Variants in EPB41L2 observed in about 807,000 individuals in gnomAD.
The protein encoded by EPB41L2 is erythrocyte membrane protein band 4.1 like 2.
EPB41L2 carries 43 observed loss-of-function variants against 113.0 expected under a neutral mutation model. That is an observed-to-expected ratio of 0.38 (90% confidence interval 0.30 to 0.49). The LOEUF is 0.49. EPB41L2 is among the 20% of genes least tolerant of loss of function. EPB41L2 has a pLI of 0.95. For missense variants in EPB41L2, 1,147 were observed against 1,223.4 expected, an observed-to-expected ratio of 0.94 and a Z score of 0.93; for synonymous variants, 442 against 436.7, an observed-to-expected ratio of 1.01 and a Z score of -0.15.
At chr6:130,959,200 G>A (rs2128629681) in intron 1 of EPB41L2, among the ~76,000 whole-genome samples, 1 of 152,262 alleles carries the variant, frequency 6.6e-6, no homozygotes, top group Admixed American at 6.5e-5. Context: ...TCATGGAAAT[G>A]GGGAACACCT....
rs751024313 is a variant in EPB41L2 at position 130,955,119 on chromosome 6, T to G, written c.691A>C (p.Ser231Arg). ...KVTLLDGTEY[S>R]CDLEKHAKGQ... ...CCCTATCTCACCTCCAGGTCACAGC[T>G]GTATTCGGTGCCATCTAAGAGGGTC... The change falls in exon 3 of 20, where the codon AGC becomes CGC. Residue 231 changes from serine to arginine, a missense_variant. Transcript: ENST00000337057. 1.9e-6 allele frequency: 3 copies of G among 1,614,172 alleles called. No homozygotes were observed. The highest frequency in any genetic ancestry group is 1.7e-6 in the Non-Finnish European group (2 of 1,180,022).
chr6:130,934,685 C>T (rs1387659649), intron 3 of EPB41L2, among the ~76,000 whole-genome samples: 1 of 151,984 alleles, frequency 6.6e-6, no homozygotes, highest in Admixed American at 6.6e-5. Context: ...CATCATCTTA[C>T]CCAGGCTGGT....
intron 12 of EPB41L2, among the ~76,000 whole-genome samples, chr6:130,884,872 C>T (rs370541590): frequency 1.3e-5 from 2 of 152,104 alleles, no homozygotes; most frequent in African/African-American, 4.8e-5. Context: ...GTCAAAAAGG[C>T]CAGTAAATTA....
chr6:130,969,039 T>C (rs1005831556), intron 1 of EPB41L2, among the ~76,000 whole-genome samples: 5 of 152,202 alleles, frequency 3.3e-5, no homozygotes, highest in African/African-American at 9.7e-5. Flanking sequence ...CTTGTGATCC[T>C]GCTATGATAC....
At chr6:131,039,504 T>C (rs1794016236) in intron 1 of EPB41L2, among the ~76,000 whole-genome samples, 2 of 152,252 alleles carry the variant, frequency 1.3e-5, no homozygotes, top group Admixed American at 1.3e-4. Context: ...AGAGATCATC[T>C]AACTTTACCC....
intron 5 of EPB41L2, among the ~76,000 whole-genome samples, 196 bp from the exon 6 acceptor site, chr6:130,904,736 A>G (rs369679496): frequency 2.0e-5 from 3 of 152,076 alleles, no homozygotes; most frequent in Admixed American, 6.5e-5. Context: ...AATCAATTAC[A>G]TAAATAAGCC....
intron 4 of EPB41L2, among the ~76,000 whole-genome samples, chr6:130,916,473 T>C (rs1021108387): frequency 1.3e-5 from 2 of 152,194 alleles, no homozygotes; most frequent in African/African-American, 4.8e-5. Context: ...GTATTTATAT[T>C]CATAGAATAC....
intron 18 of EPB41L2, among the ~76,000 whole-genome samples, chr6:130,860,023 C>T (rs188498111): frequency 5.0e-4 from 76 of 152,150 alleles, no homozygotes; most frequent in Non-Finnish European, 8.5e-4. Flanking sequence ...AGCTTTTCAA[C>T]GTGTTGACTG....
intron 3 of EPB41L2, among the ~76,000 whole-genome samples, chr6:130,946,411 G>C (rs1489385358): frequency 6.6e-6 from 1 of 152,024 alleles, no homozygotes; most frequent in African/African-American, 2.4e-5. Flanking sequence ...AGAAAATTCT[G>C]TGTGGCATAA....
chr6:130,976,443 T>C (rs1402123428), intron 1 of EPB41L2, among the ~76,000 whole-genome samples: 1 of 152,158 alleles, frequency 6.6e-6, no homozygotes, highest in Non-Finnish European at 1.5e-5. Flanking sequence ...ATATGTTCAA[T>C]TACATTAAAA....
At chr6:130,886,296 C>A in intron 11 of EPB41L2, among the ~76,000 whole-genome samples, 1 of 152,118 alleles carries the variant, frequency 6.6e-6, no homozygotes, top group African/African-American at 2.4e-5. Flanking sequence ...CAATCCACAG[C>A]CTTCACCTGC....
At chr6:131,031,466 C>G (rs1027870944) in intron 1 of EPB41L2, among the ~76,000 whole-genome samples, 4 of 152,060 alleles carry the variant, frequency 2.6e-5, no homozygotes, top group African/African-American at 9.7e-5. Context: ...AAAGAATACA[C>G]AGTAACCTAT....
intron 1 of EPB41L2, among the ~76,000 whole-genome samples, chr6:131,026,840 GC>G (rs893928315): frequency 3.9e-5 from 6 of 152,030 alleles, no homozygotes; most frequent in African/African-American, 9.7e-5. Flanking sequence ...GTGCAAGATG[GC>G]CCCTCTGCAT....
At chr6:130,999,819 C>CAA (rs2128710035) in intron 1 of EPB41L2, among the ~76,000 whole-genome samples, 1 of 152,238 alleles carries the variant, frequency 6.6e-6, no homozygotes, top group South Asian at 2.1e-4. Context: ...ATTAGAGAAT[C>CAA]AAAGAAATTT....
intron 3 of EPB41L2, among the ~76,000 whole-genome samples, chr6:130,934,512 G>C (rs1454540654): frequency 1.3e-5 from 2 of 152,064 alleles, no homozygotes; most frequent in African/African-American, 4.8e-5. Flanking sequence ...TTGCTCTGTT[G>C]CTGAGCCTGG....
rs1415892992 is a variant in EPB41L2 at position 130,869,721 on chromosome 6, T to G, written c.2449A>C (p.Asn817His). The G allele has an allele frequency of 6.2e-7, 1 of 1,614,148 alleles. No individual in the cohort carries two copies. The highest frequency in any genetic ancestry group is 1.7e-5 in the Admixed American group (1 of 60,026). Residue 817 changes from asparagine (N) to histidine (H), a missense_variant, in exon 15 of 20, where the codon AAT (asparagine) becomes CAT (histidine). Physicochemically the swap from Asn to His is moderately conservative, Grantham distance 68. Transcript: ENST00000337057. Reference protein sequence around the residue: ...VITVETVIQENVGAQKIPGEK... With the variant: ...VITVETVIQEHVGAQKIPGEK... ...CCGGGTATCTTTTGGGCACCTACAT[T>G]TTCCTGGATCACTGTTTCTACTGTG...
chr6:130,839,611 TA>T lies in EPB41L2; in HGVS notation c.*992del, dbSNP rs1774934969. ...AGCATCCTCAAACCTGTGTGAATCA[TA>T]AAACTATCTGAAAGAGATAGGCCTG... On this transcript the variant is annotated 3_prime_UTR_variant, in exon 20 of 20. Transcript: ENST00000337057. 6.6e-6 allele frequency: 1 copy of T among 151,822 alleles called. No individual in the cohort carries two copies. Among genetic ancestry groups the T allele is most frequent in the Non-Finnish European group, 1.5e-5 (1 of 68,042 alleles). The allele number at this position is 151,822 out of a possible 1,614,324, so 9.4% of individuals were successfully genotyped here. A position where few individuals can be genotyped will look rare whatever the true frequency, so the allele number is the denominator to read the frequency against.
In EPB41L2 at chr6:130,865,603, G is replaced by A. The variant is rs144870570; in HGVS notation, c.2762C>T (p.Thr921Met). 35 of 1,614,130 alleles carry A rather than the reference G, an allele frequency of 2.2e-5. No individual in the cohort carries two copies. The highest frequency in any genetic ancestry group is 1.8e-4 in the Admixed American group (11 of 60,020). ...IDGGAGGDSG[T>M]LLTAQTITSE... ...TGTGATGGTTTGTGCGGTCAGTAAC[G>A]TGCCCGAATCACCACCAGCCCCGCC... is the stretch of plus-strand genomic sequence containing the variant. The change falls in exon 17 of 20, where the codon ACG becomes ATG. Residue 921 changes from threonine to methionine, a missense_variant. Coordinates refer to ENST00000337057, the MANE Select transcript of EPB41L2 (RefSeq NM_001431.4).
intron 1 of EPB41L2, among the ~76,000 whole-genome samples, chr6:130,961,663 T>C (rs1240155778): frequency 6.6e-6 from 1 of 152,096 alleles, no homozygotes; most frequent in Non-Finnish European, 1.5e-5. Flanking sequence ...CCTTAAAACA[T>C]TGAGGAAACT....
Sources: gnomAD v4.1 joint callset for allele counts (sites outside exome capture counted in the v4.1 genomes callset) on GRCh38, gnomAD v4.1.1 for gene constraint, MANE v1.5 for transcripts, NCBI Gene and HGNC (gene_info 2026-07-23, HGNC 2026-07-21) for gene names.